Variants in RIOX2 observed in about 807,000 individuals in gnomAD.
RIOX2 encodes the protein 60S ribosomal protein L27a histidine hydroxylase.
In RIOX2, 43 loss-of-function variants were observed where a neutral mutation model predicts 51.2. The ratio of observed to expected loss-of-function variants is 0.84; its 90% CI spans 0.66 to 1.08. The LOEUF is 1.08. Ranked by LOEUF, RIOX2 falls within the 50% of genes least tolerant of loss-of-function variation. The pLI is 0.00. For missense variants in RIOX2, 566 were observed against 561.7 expected (o/e 1.01, Z -0.08); for synonymous variants, 226 against 218.5 (o/e 1.03, Z -0.30).
chr3:97,967,279 A>C lies in RIOX2; in HGVS notation c.315T>G (p.Cys105Trp). The change falls in exon 2 of 10, where the codon TGT (cysteine) becomes TGG (tryptophan). Residue 105 changes from cysteine (C) to tryptophan (W), a missense_variant. Transcript: ENST00000394198. ...YYGRDVNVCR[C>W]VNGKKKVLNK... ...TTAAAACCTTCTTCTTCCCATTGAC[A>C]CACCGGCAGACATTCACATCTCTTC... The C allele has an allele frequency of 6.2e-7, 1 of 1,614,170 alleles. No homozygotes were observed. Among genetic ancestry groups the C allele is most frequent in the Non-Finnish European group, 8.5e-7 (1 of 1,180,036 alleles).
intron 9 of RIOX2, 130 bp downstream of exon 9, chr3:97,945,668 G>T (rs578000077): frequency 4.3e-6 from 3 of 697,414 alleles, no homozygotes; most frequent in South Asian, 3.7e-5. Flanking sequence ...GGAGCTCTGT[G>T]AGTAGTGCAA....
At position 97,959,181 on chromosome 3, in the gene RIOX2, T is replaced by G. The variant is rs765304691; in HGVS notation, c.553-2A>C. ...TCCCTCCAGCTGCAGGATGAAAACC[T>G]AGAGACCCACAAGGCCCAGGAGCAT... On this transcript the variant is annotated splice_acceptor_variant, in intron 3 of 9. Coordinates refer to ENST00000394198, the MANE Select transcript of RIOX2 (RefSeq NM_153182.4). LOFTEE classifies it high-confidence loss of function. 8.1e-6 allele frequency: 13 copies of G among 1,613,004 alleles called. No individual in the cohort carries two copies. Among genetic ancestry groups the G allele is most frequent in the Non-Finnish European group, 1.1e-5 (13 of 1,179,592 alleles).
rs937741203 is a variant in RIOX2, at chr3:97,968,877, A to C, written c.-39-1245T>G. On this transcript the variant is annotated intron_variant, in intron 1 of 9. Transcript: ENST00000394198. ...AATGGTATAGTTTCCTACTTTGGTGAGTTATCAGAATTGCAAGAATACTGT... is the reference window on the plus strand; with the variant it reads ...AATGGTATAGTTTCCTACTTTGGTGCGTTATCAGAATTGCAAGAATACTGT... Among the ~76,000 whole-genome samples, 6 of 152,338 alleles carry C rather than the reference A, an allele frequency of 3.9e-5. No individual in the cohort carries two copies. The East Asian group carries it at 1.2e-3, about 29-fold the overall frequency.
intron 2 of RIOX2, among the ~76,000 whole-genome samples, chr3:97,963,904 T>C (rs1304081475): frequency 1.3e-5 from 2 of 152,194 alleles, no homozygotes; most frequent in Non-Finnish European, 2.9e-5. Context: ...TTCAGTTGTT[T>C]ATCTTTAAGA....
intron 1 of RIOX2, 49 bp from the exon 2 acceptor site, chr3:97,967,681 C>T: frequency 1.5e-6 from 2 of 1,347,484 alleles, no homozygotes; most frequent in South Asian, 1.5e-5. Context: ...GGAGTGCCAG[C>T]ATTGGTGTTA....
intron 2 of RIOX2, among the ~76,000 whole-genome samples, chr3:97,964,118 G>A (rs1443194142): frequency 6.6e-6 from 1 of 152,152 alleles, no homozygotes; most frequent in Non-Finnish European, 1.5e-5. Context: ...CTAGAACAGT[G>A]AAAGGGAGAA....
At chr3:97,956,748 G>T (rs752311884) in intron 4 of RIOX2, among the ~76,000 whole-genome samples, 7 of 152,162 alleles carry the variant, frequency 4.6e-5, no homozygotes, top group Non-Finnish European at 8.8e-5. Context: ...ACCTGCCTCG[G>T]CCTCCCAAAG....
chr3:97,949,379 C>A (rs910286365), intron 7 of RIOX2, among the ~76,000 whole-genome samples: 1 of 152,120 alleles, frequency 6.6e-6, no homozygotes, highest in African/African-American at 2.4e-5. Context: ...AATGCAGATA[C>A]CAGCACCATG....
At chr3:97,965,960 T>C (rs918305472) in intron 2 of RIOX2, among the ~76,000 whole-genome samples, 3 of 152,236 alleles carry the variant, frequency 2.0e-5, no homozygotes, top group Non-Finnish European at 2.9e-5. Context: ...ACAAATGATT[T>C]GTAAATTCTT....
rs1435736681 is a variant in RIOX2, at chr3:97,957,271, G to T, written c.681+1780C>A. Reference sequence around the variant, plus strand: ...CCCAGCACTTTGGGAGGCCGAGGCAGGTGGATCACGAGGTCAGGAGTTTGA... The same window carrying T: ...CCCAGCACTTTGGGAGGCCGAGGCATGTGGATCACGAGGTCAGGAGTTTGA... On this transcript the variant is annotated intron_variant, in intron 4 of 9. Coordinates refer to ENST00000394198, the MANE Select transcript of RIOX2 (RefSeq NM_153182.4). 3.9e-5 allele frequency among the ~76,000 whole-genome samples: 6 copies of T among 152,284 alleles called. No individual in the cohort carries two copies. In the South Asian group the frequency reaches 1.2e-3, roughly 32 times the overall value.
intron 6 of RIOX2, 85 bp downstream of exon 6, chr3:97,950,701 A>G: frequency 2.9e-6 from 3 of 1,030,270 alleles, no homozygotes; most frequent in Non-Finnish European, 3.1e-6. Flanking sequence ...TGTTGGAAGA[A>G]GTATCCTGGG....
intron 4 of RIOX2, 82 bp from the exon 5 acceptor site, chr3:97,954,577 G>T: frequency 8.7e-7 from 1 of 1,146,504 alleles, no homozygotes; most frequent in Non-Finnish European, 1.3e-6. Context: ...ATAAATATGG[G>T]CTTTGAGTCT....
Position 97,945,210 on chromosome 3 carries a change from T to C in RIOX2, c.1372A>G (p.Thr458Ala), listed in dbSNP as rs771541959. ...EKESLVLSLW[T>A]ECLIQVV is the part of the protein sequence containing the mutation. ...TAGACTACTTGAATTAAACATTCTG[T>C]CCAGAGGGATAATACCAGGCTTTCC... The change falls in exon 10 of 10, where the codon ACA becomes GCA. Residue 458 changes from threonine (T) to alanine (A), a missense_variant. By Grantham distance (58) the Thr-to-Ala change is moderately conservative (BLOSUM62 0). Coordinates refer to ENST00000394198, the MANE Select transcript of RIOX2 (RefSeq NM_153182.4). The C allele has an allele frequency of 5.0e-6, 8 of 1,612,170 alleles. No homozygotes were observed. The highest frequency in any genetic ancestry group is 6.8e-6 in the Non-Finnish European group (8 of 1,178,776).
In RIOX2 at chr3:97,942,910, A is replaced by G. The variant is rs1187847794; in HGVS notation, c.*2274T>C. Reference sequence around the variant, plus strand: ...GGGTTAGTCACAGTTTTGTTGGTGTAGAAACAAAAACACAGTACCTGACAT... The same window carrying G: ...GGGTTAGTCACAGTTTTGTTGGTGTGGAAACAAAAACACAGTACCTGACAT... On this transcript the variant is annotated 3_prime_UTR_variant, in exon 10 of 10. Coordinates refer to ENST00000394198, the MANE Select transcript of RIOX2 (RefSeq NM_153182.4). The G allele has an allele frequency of 3.6e-6, 1 of 280,584 alleles. No individual in the cohort carries two copies. Among genetic ancestry groups the G allele is most frequent in the African/African-American group, 2.3e-5 (1 of 44,250 alleles). The allele number at this position is 280,584 out of a possible 1,614,324, so 17.4% of individuals were successfully genotyped here. A position where few individuals can be genotyped will look rare whatever the true frequency, so the allele number is the denominator to read the frequency against.
Position 97,943,250 on chromosome 3 carries a change from ATGTAAT to A in RIOX2, c.*1928_*1933del. ...GGAGGAAATTATTGTGACAAGACTC[ATGTAAT>A]TGTAAATCAGCCCCTGGAGGGAGAA... On this transcript the variant is annotated 3_prime_UTR_variant, in exon 10 of 10. Transcript: ENST00000394198. 6.3e-7 allele frequency: 1 copy of A among 1,586,842 alleles called. No homozygotes were observed.
intron 2 of RIOX2, among the ~76,000 whole-genome samples, chr3:97,962,309 C>T (rs376482400): frequency 8.6e-6 from 1 of 116,416 alleles, no homozygotes; most frequent in African/African-American, 3.2e-5. Context: ...GTTTTCAGGA[C>T]AAAAAAAAGA....
chr3:97,956,369 C>G (rs1025775715), intron 4 of RIOX2, among the ~76,000 whole-genome samples: 2 of 152,172 alleles, frequency 1.3e-5, no homozygotes, highest in Admixed American at 1.3e-4. Context: ...TAGAGAGATC[C>G]CTTTTAGTCT....
intron 4 of RIOX2, among the ~76,000 whole-genome samples, chr3:97,958,539 T>C (rs186994957): frequency 1.1e-3 from 175 of 152,342 alleles, no homozygotes; most frequent in Non-Finnish European, 1.8e-3. Context: ...TGATTACTAC[T>C]GTTCTGGTAA....
chr3:97,971,237 T>C (rs1208072991), intron 1 of RIOX2, among the ~76,000 whole-genome samples: 1 of 152,188 alleles, frequency 6.6e-6, no homozygotes, highest in African/African-American at 2.4e-5. Context: ...CAGAATGTAG[T>C]TCAGAGTTAC....
Sources: allele counts gnomAD v4.1 joint callset (sites outside exome capture counted in the v4.1 genomes callset), GRCh38; gene constraint gnomAD v4.1.1; transcripts MANE v1.5; gene names NCBI Gene and HGNC (gene_info 2026-07-23, HGNC 2026-07-21).